FBXW4: variants seen among roughly 807,000 people sequenced by gnomAD.
FBXW4 encodes F-box/WD repeat-containing protein 4.
Under a neutral mutation model 61.8 loss-of-function variants are expected in FBXW4, and 40 were observed. The ratio of observed to expected loss-of-function variants is 0.65; its 90% confidence interval spans 0.50 to 0.84. The LOEUF (loss-of-function observed/expected upper bound fraction) is 0.84. Among genes scored for constraint, FBXW4 ranks in the 40% least tolerant of loss-of-function variants. FBXW4 has a pLI of 0.00. For missense variants in FBXW4, 672 were observed against 753.8 expected (o/e 0.89, Z 1.27); for synonymous variants, 311 against 313.8 (o/e 0.99, Z 0.10).
chr10:101,694,375 G>A lies in FBXW4; in HGVS notation c.725+6C>T, dbSNP rs2064648917. ...GCGGGGAGCGGGCGGGCGAGCGGAC[G>A]CTTACAGGTCGGTGCCGAGCCGCGT... is the stretch of plus-strand genomic sequence containing the variant. On this transcript the variant is annotated splice_donor_region_variant and intron_variant, in intron 1 of 8. Transcript: ENST00000331272. This position sits in a 1 kb window ranked among gnomAD's most constrained non-coding sequence, Gnocchi z 6.0. The A allele has an allele frequency of 7.2e-7, 1 of 1,384,574 alleles. No individual in the cohort carries two copies. The highest frequency in any genetic ancestry group is 3.0e-5 in the East Asian group (1 of 33,016). The allele number at this position is 1,384,574 out of a possible 1,614,324, so 85.8% of individuals were successfully genotyped here.
Position 101,694,783 on chromosome 10 carries a change from GC to G in FBXW4, c.322del (p.Ala108ProfsTer119). ...IVKGVEGSAG[A>X]GKEAQGREYG... is the part of the protein sequence containing the mutation. ...CTCTCTTCCTTGTGCCTCCTTCCCGGCCCCTGCGCTCCCCTCGACTCCCTTG... is the reference window on the plus strand; with the variant it reads ...CTCTCTTCCTTGTGCCTCCTTCCCGGCCCTGCGCTCCCCTCGACTCCCTTG... On this transcript the variant is annotated frameshift_variant, in exon 1 of 9. Coordinates refer to ENST00000331272, the MANE Select transcript of FBXW4 (RefSeq NM_022039.4). LOFTEE classifies it high-confidence loss of function. This position sits in a 1 kb window ranked among gnomAD's most constrained non-coding sequence, Gnocchi z 6.0. 7.4e-7 allele frequency: 1 copy of G among 1,342,330 alleles called. No homozygotes were observed. The highest frequency in any genetic ancestry group is 9.5e-7 in the Non-Finnish European group (1 of 1,053,542). 83.2% of individuals were successfully genotyped at this position (1,342,330 alleles called of 1,614,324 possible).
chr10:101,682,372 A>G (rs967740523), intron 1 of FBXW4, among the ~76,000 whole-genome samples: 9 of 152,190 alleles, frequency 5.9e-5, no homozygotes, highest in African/African-American at 2.2e-4. Context: ...TGCTGAGGAC[A>G]GTAAAAGATA....
chr10:101,661,692 G>C (rs2064246282), intron 5 of FBXW4, among the ~76,000 whole-genome samples: 1 of 152,154 alleles, frequency 6.6e-6, no homozygotes, highest in South Asian at 2.1e-4. Context: ...CAGGCAAGAA[G>C]CTCCCTTCTC....
At chr10:101,678,293 G>A (rs948643827) in intron 1 of FBXW4, among the ~76,000 whole-genome samples, 1 of 152,184 alleles carries the variant, frequency 6.6e-6, no homozygotes, top group Non-Finnish European at 1.5e-5. Context: ...TTCCACTTTA[G>A]GTTCCCATAT....
chr10:101,694,505 G>C lies in FBXW4; in HGVS notation c.601C>G (p.Arg201Gly), dbSNP rs1333827582. ...LLLICSYLDM[R>G]ALGRLAQVCR... The stretch of plus-strand genomic sequence containing the variant: ...ACCTGGGCCAGGCGGCCGAGGGCCC[G>C]CATGTCCAGGTAGGAGCAGATGAGC... Residue 201 changes from arginine to glycine, a missense_variant, in exon 1 of 9, where the codon CGG becomes GGG. Coordinates refer to ENST00000331272, the MANE Select transcript of FBXW4 (RefSeq NM_022039.4). The surrounding 1 kb of genome is among the most constrained non-coding windows in gnomAD (Gnocchi z 6.0). 3 of 1,519,400 alleles carry C rather than the reference G, an allele frequency of 2.0e-6. No homozygotes were observed. Among genetic ancestry groups the C allele is most frequent in the Admixed American group, 2.1e-5 (1 of 48,430 alleles). 94.1% of individuals were successfully genotyped at this position (1,519,400 alleles called of 1,614,324 possible). A position where few individuals can be genotyped will look rare whatever the true frequency, so the allele number is the denominator to read the frequency against.
rs201585955 is a variant in FBXW4, at chr10:101,612,494, G to A, written c.1302-17C>T. The A allele has an allele frequency of 2.6e-4, 402 of 1,540,812 alleles. 1 individual carries two copies. The highest frequency in any genetic ancestry group is 6.9e-4 in the Middle Eastern group (4 of 5,826). On this transcript the variant is annotated splice_polypyrimidine_tract_variant and intron_variant, in intron 6 of 8. Coordinates refer to ENST00000331272, the MANE Select transcript of FBXW4 (RefSeq NM_022039.4). Reference sequence around the variant, plus strand: ...AGCTGCCCACTGGGAAGGGAAGGACGGAGTGAGAGGCTGCTCCACGTGGGT... The same window carrying A: ...AGCTGCCCACTGGGAAGGGAAGGACAGAGTGAGAGGCTGCTCCACGTGGGT...
chr10:101,611,795 G>A lies in FBXW4; in HGVS notation c.1443-26C>T. ...CTGTCCAGGAAGAGGAGAAGCAGAG[G>A]GAGGTTTAGGGTACCCTCCACCTCT... is the stretch of plus-strand genomic sequence containing the variant. On this transcript the variant is annotated intron_variant, in intron 7 of 8. Transcript: ENST00000331272. The surrounding 1 kb of genome is among the most constrained non-coding windows in gnomAD (Gnocchi z 4.9). The A allele has an allele frequency of 6.2e-7, 1 of 1,604,706 alleles. No homozygotes were observed. The highest frequency in any genetic ancestry group is 8.5e-7 in the Non-Finnish European group (1 of 1,173,804).
At chr10:101,651,350 T>G (rs954337494) in intron 5 of FBXW4, among the ~76,000 whole-genome samples, 2 of 146,968 alleles carry the variant, frequency 1.4e-5, no homozygotes, top group African/African-American at 5.1e-5. Context: ...GGGTGGGGGG[T>G]GAAAGAAGGG....
intron 6 of FBXW4, among the ~76,000 whole-genome samples, chr10:101,613,818 G>T (rs1589735809): frequency 6.6e-6 from 1 of 152,310 alleles, no homozygotes; most frequent in South Asian, 2.1e-4. Context: ...TGCTGCCAGG[G>T]GGGAATTAAT....
chr10:101,643,145 T>C (rs1396765022), intron 5 of FBXW4, among the ~76,000 whole-genome samples: 1 of 152,236 alleles, frequency 6.6e-6, no homozygotes, highest in Non-Finnish European at 1.5e-5. Flanking sequence ...AGGCCACTGA[T>C]TCCTTTACTG....
intron 1 of FBXW4, among the ~76,000 whole-genome samples, chr10:101,678,602 CT>C (rs1478251196): frequency 5.3e-5 from 8 of 152,026 alleles, no homozygotes; most frequent in Non-Finnish European, 1.0e-4. Context: ...ATTTTTTTTA[CT>C]GTTTTTAGTA....
intron 1 of FBXW4, among the ~76,000 whole-genome samples, chr10:101,692,776 T>C (rs1226076565): frequency 2.0e-5 from 3 of 149,864 alleles, no homozygotes. Context: ...AAATCAAATT[T>C]GTAAGAAAAC....
At chr10:101,686,746 C>T (rs1241192900) in intron 1 of FBXW4, among the ~76,000 whole-genome samples, 1 of 152,144 alleles carries the variant, frequency 6.6e-6, no homozygotes, top group Non-Finnish European at 1.5e-5. Context: ...TCCCTGGTGA[C>T]CTTCCAGCCT....
At chr10:101,635,792 G>T (rs920888710) in intron 5 of FBXW4, among the ~76,000 whole-genome samples, 1 of 150,054 alleles carries the variant, frequency 6.7e-6, no homozygotes, top group Non-Finnish European at 1.5e-5. Flanking sequence ...AGTGAGTTAT[G>T]ATTACACCAC....
At position 101,676,354 on chromosome 10, in the gene FBXW4, TCAGCAGAATCCC is replaced by T; in HGVS notation, c.796_807del (p.Gly266_Leu269del). On this transcript the variant is annotated inframe_deletion, in exon 2 of 9. Transcript: ENST00000331272. Reference sequence around the variant, plus strand: ...GAGGCTACTTGCCTGCATCTCCACTTCAGCAGAATCCCCTCTCGGCAGCGCCCCAGTCTCCAG... The same window carrying T: ...GAGGCTACTTGCCTGCATCTCCACTTCTCTCGGCAGCGCCCCAGTCTCCAG... 1 of 1,613,520 alleles carries T rather than the reference TCAGCAGAATCCC, an allele frequency of 6.2e-7. No homozygotes were observed. Among genetic ancestry groups the T allele is most frequent in the Admixed American group, 1.7e-5 (1 of 59,962 alleles).
intron 5 of FBXW4, among the ~76,000 whole-genome samples, chr10:101,649,368 C>G (rs2064127518): frequency 6.6e-6 from 1 of 152,086 alleles, no homozygotes; most frequent in East Asian, 1.9e-4. Flanking sequence ...ACATGCCCCA[C>G]CCACCATTAT....
At chr10:101,642,030 G>A (rs925341096) in intron 5 of FBXW4, among the ~76,000 whole-genome samples, 2 of 152,098 alleles carry the variant, frequency 1.3e-5, no homozygotes, top group Non-Finnish European at 2.9e-5. Context: ...GCCATAAGTG[G>A]TGGCACACGC....
chr10:101,673,809 T>G (rs1021573512), intron 2 of FBXW4, 136 bp from the exon 3 acceptor site: 3 of 777,256 alleles, frequency 3.9e-6, no homozygotes, highest in East Asian at 2.7e-5. Context: ...CTTGATACCC[T>G]CCTTCAAAAT....
At chr10:101,619,806 G>A (rs1207645119) in intron 6 of FBXW4, among the ~76,000 whole-genome samples, 1 of 152,124 alleles carries the variant, frequency 6.6e-6, no homozygotes, top group Non-Finnish European at 1.5e-5. Flanking sequence ...CAGCCTGCAA[G>A]GAGAACAGTC....
Sources: allele counts gnomAD v4.1 joint callset (sites outside exome capture counted in the v4.1 genomes callset), GRCh38; gene constraint gnomAD v4.1.1; non-coding constraint Gnocchi (gnomAD v3.1); transcripts MANE v1.5; gene names NCBI Gene and HGNC (gene_info 2026-07-23, HGNC 2026-07-21).